Variants in BFSP2 observed in about 807,000 individuals in gnomAD.
The protein encoded by BFSP2 is beaded filament structural protein 2.
Under a neutral mutation model 44.9 loss-of-function variants are expected in BFSP2, and 38 were observed. That is an observed-to-expected ratio of 0.85 (90% CI 0.65 to 1.11). The LOEUF (loss-of-function observed/expected upper bound fraction) is 1.11, where lower values mean the gene tolerates loss of function less well. BFSP2 is among the 50% of genes least tolerant of loss of function. The probability of loss-of-function intolerance (pLI) is 0.00; values close to 1 mark genes in which losing one functional copy is unlikely to be tolerated. For missense variants in BFSP2, 525 were observed against 533.0 expected (o/e 0.99, Z 0.15); for synonymous variants, 197 against 209.9 (o/e 0.94, Z 0.53).
At chr3:133,421,309 C>T (rs1404844266) in intron 1 of BFSP2, among the ~76,000 whole-genome samples, 2 of 152,242 alleles carry the variant, frequency 1.3e-5, no homozygotes, top group African/African-American at 4.8e-5. Context: ...TATTCTCTCA[C>T]AGGCCTGGAG....
intron 4 of BFSP2, among the ~76,000 whole-genome samples, chr3:133,459,930 A>G (rs1365439101): frequency 6.6e-6 from 1 of 152,202 alleles, no homozygotes; most frequent in Non-Finnish European, 1.5e-5. Flanking sequence ...CCTGGCCTAC[A>G]TTGTAAACCT....
intron 1 of BFSP2, among the ~76,000 whole-genome samples, chr3:133,429,870 G>A (rs1180005418): frequency 1.3e-5 from 2 of 149,988 alleles, no homozygotes; most frequent in South Asian, 2.1e-4. Flanking sequence ...TCGTCATTTA[G>A]CATTAGGTAT....
intron 1 of BFSP2, among the ~76,000 whole-genome samples, chr3:133,430,820 C>T (rs974968400): frequency 6.6e-6 from 1 of 152,018 alleles, no homozygotes; most frequent in Non-Finnish European, 1.5e-5. Context: ...CTCACCAGGC[C>T]GAGCTAGGTC....
chr3:133,449,982 A>AAGGAAGGAAGGAAGGAAGGAAGGAAGG (rs1212404887), intron 3 of BFSP2, among the ~76,000 whole-genome samples: 1 of 86,286 alleles, frequency 1.2e-5, no homozygotes, highest in Non-Finnish European at 2.3e-5. Context: ...GGAAAGAAGG[A>AAGGAAGGAAGGAAGGAAGGAAGGAAGG]AAGGAAGGAA....
intron 4 of BFSP2, among the ~76,000 whole-genome samples, chr3:133,462,703 C>G (rs187693209): frequency 6.6e-6 from 1 of 152,248 alleles, no homozygotes; most frequent in East Asian, 1.9e-4. Flanking sequence ...AATTTTAAGA[C>G]AAAATACTTT....
At chr3:133,445,142 AG>A (rs1393157912) in intron 1 of BFSP2, among the ~76,000 whole-genome samples, 9 of 152,350 alleles carry the variant, frequency 5.9e-5, no homozygotes, top group African/African-American at 2.2e-4. Flanking sequence ...TAAATAGAAA[AG>A]TTTCATGGGG....
chr3:133,472,625 T>C, intron 6 of BFSP2, 60 bp downstream of exon 6: 1 of 1,548,384 alleles, frequency 6.5e-7, no homozygotes, highest in Non-Finnish European at 8.7e-7. Context: ...TTAAAAATAA[T>C]TATTTTCCAA....
At chr3:133,415,833 C>CT in intron 1 of BFSP2, among the ~76,000 whole-genome samples, 1 of 146,344 alleles carries the variant, frequency 6.8e-6, no homozygotes, top group Middle Eastern at 3.5e-3. Context: ...CTGCCCTCTT[C>CT]CCTCTACTCA....
chr3:133,419,114 A>G (rs375058801), intron 1 of BFSP2, among the ~76,000 whole-genome samples: 30 of 152,224 alleles, frequency 2.0e-4, no homozygotes, highest in African/African-American at 7.2e-4. Flanking sequence ...GTGTCCTCAC[A>G]CAGGCTTCCC....
Position 133,466,945 on chromosome 3 carries a change from T to C in BFSP2, c.1009T>C (p.Ser337Pro). 1 of 1,614,080 alleles carries C rather than the reference T, an allele frequency of 6.2e-7. No homozygotes were observed. Among genetic ancestry groups the C allele is most frequent in the Non-Finnish European group, 8.5e-7 (1 of 1,179,976 alleles). Residue 337 changes from serine (S) to proline (P), a missense_variant, in exon 5 of 7, where the codon TCC (serine) becomes CCC (proline). Transcript: ENST00000302334. ...QVQSLQAETE[S>P]LRALKRGLEN... Reference sequence around the variant, plus strand: ...CCAGAGCCTCCAGGCTGAGACAGAATCCTTACGTGCCCTGGTAAGTGGGCC... The same window carrying C: ...CCAGAGCCTCCAGGCTGAGACAGAACCCTTACGTGCCCTGGTAAGTGGGCC...
chr3:133,464,245 T>C (rs977018835), intron 4 of BFSP2, among the ~76,000 whole-genome samples: 2 of 152,174 alleles, frequency 1.3e-5, no homozygotes, highest in African/African-American at 4.8e-5. Context: ...ATTTTAGGGA[T>C]CTTAAATTGG....
At chr3:133,455,908 CCTT>C (rs2074009032) in intron 4 of BFSP2, 2 of 152,780 alleles carry the variant, frequency 1.3e-5, no homozygotes, top group South Asian at 4.1e-4. Flanking sequence ...CTCTGTTTTG[CCTT>C]CTTAGCCTTC....
chr3:133,448,984 A>AT (rs1439818776), intron 3 of BFSP2: 2 of 293,078 alleles, frequency 6.8e-6, no homozygotes, highest in Non-Finnish European at 1.3e-5. Flanking sequence ...ACACTGTATT[A>AT]TACAAACAAA....
chr3:133,423,963 A>G (rs540283747), intron 1 of BFSP2, among the ~76,000 whole-genome samples: 2 of 152,150 alleles, frequency 1.3e-5, no homozygotes, highest in Admixed American at 6.5e-5. Flanking sequence ...TGAGGATTAT[A>G]AATCAACCAT....
At chr3:133,445,518 G>C (rs2107920792) in intron 1 of BFSP2, 1 of 152,322 alleles carries the variant, frequency 6.6e-6, no homozygotes, top group South Asian at 2.1e-4. Flanking sequence ...AGAACCACTA[G>C]TGCAAAGTAC....
chr3:133,414,764 T>G (rs2073496740), intron 1 of BFSP2, among the ~76,000 whole-genome samples: 1 of 56,404 alleles, frequency 1.8e-5, no homozygotes, highest in Admixed American at 2.1e-4. Context: ...ACCCCTATTC[T>G]CTCCCCTCTA....
At chr3:133,423,815 T>G (rs149870536) in intron 1 of BFSP2, among the ~76,000 whole-genome samples, 1 of 152,050 alleles carries the variant, frequency 6.6e-6, no homozygotes, top group Non-Finnish European at 1.5e-5. Context: ...AAAATGTTCT[T>G]TGTGTCAAGC....
intron 1 of BFSP2, chr3:133,410,829 C>T (rs1021664352): frequency 2.3e-5 from 4 of 177,318 alleles, no homozygotes; most frequent in Non-Finnish European, 4.0e-5. Context: ...ACCTTTCTAA[C>T]CGCTGGACCT....
chr3:133,472,343 A>C lies in BFSP2; in HGVS notation c.1024-2A>C. 6.2e-7 allele frequency: 1 copy of C among 1,610,124 alleles called. No individual in the cohort carries two copies. Among genetic ancestry groups the C allele is most frequent in the South Asian group, 1.1e-5 (1 of 90,906 alleles). Reference sequence around the variant, plus strand: ...GTTTGGACCGGGTTCGCTCTTTTGTAGAAACGAGGCCTGGAGAACACCTTG... The same window carrying C: ...GTTTGGACCGGGTTCGCTCTTTTGTCGAAACGAGGCCTGGAGAACACCTTG... On this transcript the variant is annotated splice_acceptor_variant, in intron 5 of 6. Coordinates refer to ENST00000302334, the MANE Select transcript of BFSP2 (RefSeq NM_003571.4). LOFTEE classifies it high-confidence loss of function.
Sources: gnomAD v4.1 joint callset for allele counts (sites outside exome capture counted in the v4.1 genomes callset) on GRCh38, gnomAD v4.1.1 for gene constraint, MANE v1.5 for transcripts, NCBI Gene and HGNC (gene_info 2026-07-23, HGNC 2026-07-21) for gene names.